BRINP1: variants seen among roughly 807,000 people sequenced by gnomAD.
BRINP1 encodes BMP/retinoic acid-inducible neural-specific protein 1.
Under a neutral mutation model 72.9 loss-of-function variants are expected in BRINP1, and 17 were observed. The observed-to-expected ratio is 0.23, with a 90% CI of 0.16 to 0.35. The LOEUF is 0.35. BRINP1 is among the 10% of genes least tolerant of loss of function. BRINP1 has a pLI of 1.00. For missense variants in BRINP1, 850 were observed against 1,001.6 expected, an observed-to-expected ratio of 0.85 and a Z score of 2.04; for synonymous variants, 418 against 378.5, an observed-to-expected ratio of 1.10 and a Z score of -1.21.
At chr9:119,340,655 AG>A (rs933774250) in intron 1 of BRINP1, among the ~76,000 whole-genome samples, 1 of 152,224 alleles carries the variant, frequency 6.6e-6, no homozygotes, top group Non-Finnish European at 1.5e-5. Context: ...TGATGTGTAA[AG>A]TAAGACCCTA....
intron 2 of BRINP1, among the ~76,000 whole-genome samples, chr9:119,305,159 G>A (rs963253434): frequency 2.6e-5 from 4 of 152,176 alleles, no homozygotes; most frequent in African/African-American, 9.7e-5. Context: ...AAGATATCTT[G>A]ATATTTAAGA....
At chr9:119,339,361 C>T (rs991229060) in intron 1 of BRINP1, among the ~76,000 whole-genome samples, 1 of 138,690 alleles carries the variant, frequency 7.2e-6, no homozygotes, top group African/African-American at 2.4e-5. Context: ...TTTCTCCCTA[C>T]AGAACTTACA....
intron 2 of BRINP1, among the ~76,000 whole-genome samples, chr9:119,273,977 G>A (rs1375237973): frequency 3.3e-5 from 5 of 152,074 alleles, no homozygotes; most frequent in African/African-American, 9.7e-5. Context: ...TCAGAACCTG[G>A]CATAAGTTGA....
At chr9:119,296,581 G>A (rs1588195550) in intron 2 of BRINP1, among the ~76,000 whole-genome samples, 1 of 152,120 alleles carries the variant, frequency 6.6e-6, no homozygotes, top group African/African-American at 2.4e-5. Context: ...CCATTGCAGA[G>A]TTTCTCACAA....
At chr9:119,171,053 C>G (rs1222727490) in intron 7 of BRINP1, among the ~76,000 whole-genome samples, 1 of 134,154 alleles carries the variant, frequency 7.5e-6, no homozygotes, top group Non-Finnish European at 1.5e-5. Context: ...ACCATCAAGA[C>G]TAGAAAGAAA....
intron 2 of BRINP1, among the ~76,000 whole-genome samples, chr9:119,283,473 A>C (rs1033706039): frequency 6.6e-6 from 1 of 152,196 alleles, no homozygotes; most frequent in African/African-American, 2.4e-5. Flanking sequence ...CTTTGCCCTA[A>C]GGAATTTTTT....
intron 2 of BRINP1, among the ~76,000 whole-genome samples, chr9:119,312,919 T>C (rs1831083121): frequency 6.6e-6 from 1 of 152,194 alleles, no homozygotes; most frequent in African/African-American, 2.4e-5. Flanking sequence ...GCCCAGCATA[T>C]AAATAAGTAC....
chr9:119,217,788 C>T (rs1271599867), intron 5 of BRINP1, among the ~76,000 whole-genome samples: 1 of 152,134 alleles, frequency 6.6e-6, no homozygotes, highest in African/African-American at 2.4e-5. Context: ...CCTTGCCTCC[C>T]TCCTTCCTCT....
chr9:119,187,839 G>T (rs750258897), intron 7 of BRINP1, among the ~76,000 whole-genome samples: 1 of 152,022 alleles, frequency 6.6e-6, no homozygotes, highest in Non-Finnish European at 1.5e-5. Flanking sequence ...TTCAAGATCT[G>T]GGAGAAATTC....
intron 5 of BRINP1, among the ~76,000 whole-genome samples, chr9:119,224,209 A>G (rs1830069204): frequency 6.6e-6 from 1 of 152,086 alleles, no homozygotes; most frequent in Non-Finnish European, 1.5e-5. Flanking sequence ...AAATGACAAT[A>G]AAATATATGC....
chr9:119,255,697 T>C (rs1255299881), intron 2 of BRINP1, among the ~76,000 whole-genome samples: 1 of 152,010 alleles, frequency 6.6e-6, no homozygotes, highest in East Asian at 1.9e-4. Context: ...CTCACGCTTG[T>C]AATCCCAGTA....
intron 1 of BRINP1, among the ~76,000 whole-genome samples, chr9:119,328,076 A>G (rs904950609): frequency 6.6e-6 from 1 of 152,164 alleles, no homozygotes; most frequent in East Asian, 1.9e-4. Flanking sequence ...GTCAGCATGA[A>G]GAGGAAGAGA....
intron 7 of BRINP1, among the ~76,000 whole-genome samples, chr9:119,169,031 G>A (rs1200433720): frequency 1.3e-5 from 2 of 152,156 alleles, no homozygotes; most frequent in Admixed American, 1.3e-4. Context: ...ACATGTACAC[G>A]ATGTTTATTG....
At chr9:119,300,165 G>C (rs1358345579) in intron 2 of BRINP1, among the ~76,000 whole-genome samples, 2 of 151,858 alleles carry the variant, frequency 1.3e-5, no homozygotes, top group East Asian at 3.9e-4. Context: ...TTCAACAAAA[G>C]GTATCTCTCC....
intron 2 of BRINP1, among the ~76,000 whole-genome samples, chr9:119,285,423 C>G (rs1217097514): frequency 6.6e-6 from 1 of 152,176 alleles, no homozygotes; most frequent in African/African-American, 2.4e-5. Context: ...CGCTTACCAT[C>G]AAAACAATTA....
intron 7 of BRINP1, among the ~76,000 whole-genome samples, chr9:119,178,198 G>A (rs1829510388): frequency 6.6e-6 from 1 of 152,150 alleles, no homozygotes; most frequent in Admixed American, 6.6e-5. Context: ...ACAGATTTGG[G>A]AAAGAGCCCA....
rs1336510036 is a variant in BRINP1, at chr9:119,369,420, G to C, written c.-415C>G. The C allele has an allele frequency of 2.5e-6, 1 of 395,634 alleles. No homozygotes were observed. Among genetic ancestry groups the C allele is most frequent in the Non-Finnish European group, 4.5e-6 (1 of 224,662 alleles). 24.5% of individuals were successfully genotyped at this position (395,634 alleles called of 1,614,324 possible). A position where few individuals can be genotyped will look rare whatever the true frequency, so the allele number is the denominator to read the frequency against. ...GTTTGCAGCCGTGGGGTCCGGGAGC[G>C]AGGCGGCTGGCGAATGGAGAGGGAA... On this transcript the variant is annotated 5_prime_UTR_variant, in exon 1 of 8. Transcript: ENST00000265922.
At chr9:119,229,286 T>C (rs1427167765) in intron 5 of BRINP1, among the ~76,000 whole-genome samples, 2 of 152,082 alleles carry the variant, frequency 1.3e-5, no homozygotes, top group Non-Finnish European at 2.9e-5. Context: ...AGTAACACAT[T>C]GATAGAGGTG....
At chr9:119,352,151 G>A (rs774895645) in intron 1 of BRINP1, among the ~76,000 whole-genome samples, 3 of 152,144 alleles carry the variant, frequency 2.0e-5, no homozygotes, top group Non-Finnish European at 4.4e-5. Context: ...TATCCGTAAA[G>A]TCAGCAACCA....
Sources: allele counts gnomAD v4.1 joint callset (sites outside exome capture counted in the v4.1 genomes callset), GRCh38; gene constraint gnomAD v4.1.1; transcripts MANE v1.5; gene names NCBI Gene and HGNC (gene_info 2026-07-23, HGNC 2026-07-21).